CELF2: variants seen among roughly 807,000 people sequenced by gnomAD.
The protein encoded by CELF2 is CUGBP Elav-like family member 2.
A neutral mutation model predicts 62.6 loss-of-function variants in CELF2; 8 were observed. The observed-to-expected ratio is 0.13, with a 90% CI of 0.07 to 0.23. The LOEUF is 0.23. CELF2 is among the 10% of genes least tolerant of loss of function. The probability of loss-of-function intolerance (pLI) is 1.00; values close to 1 mark genes in which losing one functional copy is unlikely to be tolerated. For missense variants in CELF2, 333 were observed against 671.0 expected (o/e 0.50, Z 5.56); for synonymous variants, 258 against 250.0 (o/e 1.03, Z -0.30).
chr10:10,873,113 A>G (rs2060859875), intron 1 of CELF2, among the ~76,000 whole-genome samples: 1 of 152,096 alleles, frequency 6.6e-6, no homozygotes, highest in African/African-American at 2.4e-5. Flanking sequence ...CCAATGCAAT[A>G]TTTATGTTTG....
At chr10:10,671,927 C>G in the CELF2 span, among the ~76,000 whole-genome samples, 1 of 151,908 alleles carries the variant, frequency 6.6e-6, no homozygotes, top group Admixed American at 6.6e-5. Flanking sequence ...ATAGGCTTTC[C>G]CCATGTTGGC....
chr10:11,123,870 G>A (rs931028253), intron 1 of CELF2, among the ~76,000 whole-genome samples: 1 of 152,104 alleles, frequency 6.6e-6, no homozygotes, highest in Non-Finnish European at 1.5e-5. Context: ...TTATGTCCCT[G>A]TCTCTCTGTA....
At position 11,178,096 on chromosome 10, in the gene CELF2, G is replaced by C. The variant is rs1411314377; in HGVS notation, c.271+12414G>C. Among the ~76,000 whole-genome samples the C allele has an allele frequency of 6.6e-6, 1 of 152,256 alleles. No homozygotes were observed. Among genetic ancestry groups the C allele is most frequent in the South Asian group, 2.1e-4 (1 of 4,832 alleles). On this transcript the variant is annotated intron_variant, in intron 2 of 12. Coordinates refer to ENST00000633077, the MANE Select transcript of CELF2 (RefSeq NM_001326342.2). This position sits in a 1 kb window ranked among gnomAD's most constrained non-coding sequence, Gnocchi z 4.3. ...ACGCTGCGGCCACAGCTGCAGCCAT[G>C]CTACCTGCCACATGCCCTGGCCTGC...
chr10:10,551,846 C>T, the CELF2 span, among the ~76,000 whole-genome samples: 1 of 152,172 alleles, frequency 6.6e-6, no homozygotes, highest in African/African-American at 2.4e-5. Flanking sequence ...TGTCATCCAG[C>T]TCACTCTAAT....
At chr10:10,792,611 T>C in the CELF2 span, 1 of 393,076 alleles carries the variant, frequency 2.5e-6, no homozygotes, top group Non-Finnish European at 4.5e-6. Flanking sequence ...AGATCAATGT[T>C]TCAGGTGTGA....
chr10:10,700,382 C>T, the CELF2 span, among the ~76,000 whole-genome samples: 4 of 152,270 alleles, frequency 2.6e-5, no homozygotes, highest in South Asian at 6.2e-4. Context: ...GTGAAGGATG[C>T]GCCATACCAA....
the CELF2 span, among the ~76,000 whole-genome samples, chr10:10,672,441 C>T: frequency 6.8e-6 from 1 of 147,566 alleles, no homozygotes; most frequent in Non-Finnish European, 1.5e-5. Context: ...AGTCTGTGAT[C>T]CATTTTGAGT....
In CELF2 at chr10:11,316,087, G is replaced by C. The variant is rs146249317; in HGVS notation, c.1096+1829G>C. ...TTCCCATCGTTCTCGTCAGGGACTGGAGAGGGGCTGTGTTGAATGGCAGAG... is the reference window on the plus strand; with the variant it reads ...TTCCCATCGTTCTCGTCAGGGACTGCAGAGGGGCTGTGTTGAATGGCAGAG... On this transcript the variant is annotated intron_variant, in intron 10 of 12. Coordinates refer to ENST00000633077, the MANE Select transcript of CELF2 (RefSeq NM_001326342.2). This position sits in a 1 kb window ranked among gnomAD's most constrained non-coding sequence, Gnocchi z 4.4. 6.6e-6 allele frequency among the ~76,000 whole-genome samples: 1 copy of C among 152,366 alleles called. No homozygotes were observed. The highest frequency in any genetic ancestry group is 1.9e-4 in the East Asian group (1 of 5,192).
At chr10:10,954,810 A>C (rs1271512413) in intron 2 of CELF2, among the ~76,000 whole-genome samples, 1 of 152,240 alleles carries the variant, frequency 6.6e-6, no homozygotes, top group Non-Finnish European at 1.5e-5. Flanking sequence ...ATTTGAAAAC[A>C]TTCCATAAGA....
chr10:10,531,177 TC>T, the CELF2 span, among the ~76,000 whole-genome samples: 1 of 152,226 alleles, frequency 6.6e-6, no homozygotes, highest in African/African-American at 2.4e-5. Flanking sequence ...TCACACATCA[TC>T]CCAGTCTAAA....
At chr10:11,327,781 G>A (rs146983992) in intron 12 of CELF2, among the ~76,000 whole-genome samples, 285 of 152,312 alleles carry the variant, frequency 1.9e-3, no homozygotes, top group African/African-American at 6.6e-3. Flanking sequence ...TATGCCGCAT[G>A]CCCATTTTTA....
intron 1 of CELF2, among the ~76,000 whole-genome samples, chr10:11,026,755 A>G (rs2059276914): frequency 6.6e-6 from 1 of 152,196 alleles, no homozygotes; most frequent in Non-Finnish European, 1.5e-5. Flanking sequence ...GTTTCAACAG[A>G]AGGGGCCACA....
Position 11,315,182 on chromosome 10 carries a change from C to T in CELF2, c.1096+924C>T, listed in dbSNP as rs1352519558. Among the ~76,000 whole-genome samples, 1 of 152,118 alleles carries T rather than the reference C, an allele frequency of 6.6e-6. No individual in the cohort carries two copies. Among genetic ancestry groups the T allele is most frequent in the Non-Finnish European group, 1.5e-5 (1 of 68,040 alleles). ...AGCCCACAGCGGGGACATGTAATTTCCCTGTCCCTCCGTTTCAGATCCCCT... is the reference window on the plus strand; with the variant it reads ...AGCCCACAGCGGGGACATGTAATTTTCCTGTCCCTCCGTTTCAGATCCCCT... On this transcript the variant is annotated intron_variant, in intron 10 of 12. Coordinates refer to ENST00000633077, the MANE Select transcript of CELF2 (RefSeq NM_001326342.2). The surrounding 1 kb of genome is among the most constrained non-coding windows in gnomAD (Gnocchi z 5.8).
Position 11,300,897 on chromosome 10 carries a change from GAA to G in CELF2, c.976+12347_976+12348del, listed in dbSNP as rs1374784515. On this transcript the variant is annotated intron_variant, in intron 9 of 12. Transcript: ENST00000633077. This position sits in a 1 kb window ranked among gnomAD's most constrained non-coding sequence, Gnocchi z 5.5. ...GTTTTCACTATCTAATTGTTCTGTG[GAA>G]AGTGTTTAACGAGGGCACCGAAGGC... 6.6e-6 allele frequency among the ~76,000 whole-genome samples: 1 copy of G among 152,198 alleles called. No individual in the cohort carries two copies. The highest frequency in any genetic ancestry group is 2.4e-5 in the African/African-American group (1 of 41,438).
upstream of CELF2, among the ~76,000 whole-genome samples, chr10:10,797,108 G>C (rs1013188056): frequency 2.6e-5 from 4 of 152,164 alleles, no homozygotes; most frequent in African/African-American, 9.7e-5. Flanking sequence ...CGTTTGGAGT[G>C]GCAAAAACTT....
the CELF2 span, among the ~76,000 whole-genome samples, chr10:10,710,618 T>C: frequency 2.0e-5 from 3 of 151,684 alleles, no homozygotes; most frequent in African/African-American, 7.3e-5. Flanking sequence ...GCTTGAAATC[T>C]GATTTTTTTT....
upstream of CELF2, among the ~76,000 whole-genome samples, chr10:11,002,593 A>G (rs569404812): frequency 7.4e-4 from 112 of 152,288 alleles, 1 homozygote; most frequent in South Asian, 5.8e-3. This position sits in a 1 kb window ranked among gnomAD's most constrained non-coding sequence, Gnocchi z 4.4. Context: ...CATCTTCTCC[A>G]GGTAAGTCAC....
intron 1 of CELF2, among the ~76,000 whole-genome samples, chr10:11,161,718 G>A (rs189065211): frequency 6.6e-6 from 1 of 152,302 alleles, no homozygotes; most frequent in Non-Finnish European, 1.5e-5. Context: ...TGTTGAGAAT[G>A]GCTAGGGAGT....
At chr10:11,057,644 T>C (rs2065614381) in intron 1 of CELF2, among the ~76,000 whole-genome samples, 1 of 152,196 alleles carries the variant, frequency 6.6e-6, no homozygotes, top group Non-Finnish European at 1.5e-5. Flanking sequence ...GTATGTTTTC[T>C]CTTTTTTTCC....
Sources: allele counts gnomAD v4.1 joint callset (sites outside exome capture counted in the v4.1 genomes callset), GRCh38; gene constraint gnomAD v4.1.1; non-coding constraint Gnocchi (gnomAD v3.1); transcripts MANE v1.5; gene names NCBI Gene and HGNC (gene_info 2026-07-23, HGNC 2026-07-21).